The following AASDHPPT variants were observed in gnomAD, a reference collection of about 807,000 sequenced individuals.
AASDHPPT encodes L-aminoadipate-semialdehyde dehydrogenase-phosphopantetheinyl transferase.
AASDHPPT carries 23 observed loss-of-function variants against 36.4 expected under a neutral mutation model. That is an observed-to-expected ratio of 0.63 (90% CI 0.45 to 0.89). AASDHPPT has a LOEUF of 0.89. AASDHPPT is among the 40% of genes least tolerant of loss of function. The pLI is 0.00. For synonymous variants in AASDHPPT, 115 were observed against 128.0 expected, an observed-to-expected ratio of 0.90 and a Z score of 0.68; for missense variants, 377 against 378.2, an observed-to-expected ratio of 1.00 and a Z score of 0.03.
chr11:106,086,528 T>C (rs562869065), intron 2 of AASDHPPT, among the ~76,000 whole-genome samples: 5 of 152,304 alleles, frequency 3.3e-5, no homozygotes, highest in Non-Finnish European at 5.9e-5. Context: ...TTCAACCCAG[T>C]AGAGTCCATT....
At chr11:106,080,754 T>G (rs1401738146) in intron 2 of AASDHPPT, among the ~76,000 whole-genome samples, 1 of 152,238 alleles carries the variant, frequency 6.6e-6, no homozygotes. Flanking sequence ...TAAAACTATC[T>G]AATCTCCATA....
At position 106,091,434 on chromosome 11, in the gene AASDHPPT, G is replaced by T. The variant is rs774362758; in HGVS notation, c.650G>T (p.Arg217Leu). ...ATAGGCCAAGTTTATAAAGAAACAC[G>T]TTTATTCCTGGATGGAGAGGAAGAA... ...LDIGQVYKET[R>L]LFLDGEEEKE... The change falls in exon 4 of 6, where the codon CGT becomes CTT. Residue 217 changes from arginine (R) to leucine (L), a missense_variant. Physicochemically the swap from Arg to Leu is moderately radical, Grantham distance 102. Transcript: ENST00000278618. 2 of 1,599,016 alleles carry T rather than the reference G, an allele frequency of 1.3e-6. No individual in the cohort carries two copies. The highest frequency in any genetic ancestry group is 4.5e-5 in the East Asian group (2 of 44,386).
intron 2 of AASDHPPT, among the ~76,000 whole-genome samples, chr11:106,082,488 C>A (rs1030958818): frequency 3.9e-5 from 6 of 152,196 alleles, no homozygotes; most frequent in Admixed American, 2.6e-4. Context: ...AGATTGCCAA[C>A]TCTAAAGACA....
Position 106,077,891 on chromosome 11 carries a change from A to G in AASDHPPT, c.181A>G (p.Met61Val). 1 of 1,614,036 alleles carries G rather than the reference A, an allele frequency of 6.2e-7. No individual in the cohort carries two copies. The highest frequency in any genetic ancestry group is 1.1e-5 in the South Asian group (1 of 91,076). ...FVFARDAKAA[M>V]AGRLMIRKLV... ...CTTTGCCCGGGACGCTAAGGCAGCCATGGTACTACAGGTCTTTTTTGGTAT... is the reference window on the plus strand; with the variant it reads ...CTTTGCCCGGGACGCTAAGGCAGCCGTGGTACTACAGGTCTTTTTTGGTAT... Residue 61 changes from methionine (M) to valine (V), a missense_variant and splice_region_variant, in exon 1 of 6, where the codon ATG (methionine) becomes GTG (valine). By Grantham distance (21) the Met-to-Val change is conservative (BLOSUM62 1). Transcript: ENST00000278618.
chr11:106,092,827 C>G (rs1861268459), intron 4 of AASDHPPT: 1 of 152,024 alleles, frequency 6.6e-6, no homozygotes, highest in Non-Finnish European at 1.5e-5. Context: ...ATAAATGAGG[C>G]TTTGTGTTAG....
intron 2 of AASDHPPT, among the ~76,000 whole-genome samples, chr11:106,084,709 A>C (rs1861180090): frequency 6.6e-6 from 1 of 151,696 alleles, no homozygotes; most frequent in South Asian, 2.1e-4. Context: ...GGCTCACTGC[A>C]AGCTCTGCCT....
rs760165467 is a variant in AASDHPPT at position 106,094,672 on chromosome 11, C to T, written c.765+18C>T. 4.5e-6 allele frequency: 7 copies of T among 1,569,638 alleles called. No homozygotes were observed. Among genetic ancestry groups the T allele is most frequent in the African/African-American group, 1.4e-5 (1 of 72,962 alleles). The stretch of plus-strand genomic sequence containing the variant: ...ATCAGGATGTAAGATTTTAGGATTT[C>T]TCTTTTTTCTAAATAGCATGAATCA... On this transcript the variant is annotated intron_variant, in intron 5 of 5. Coordinates refer to ENST00000278618, the MANE Select transcript of AASDHPPT (RefSeq NM_015423.3).
intron 2 of AASDHPPT, among the ~76,000 whole-genome samples, chr11:106,084,489 G>C (rs1230602615): frequency 2.6e-5 from 4 of 152,018 alleles, no homozygotes; most frequent in African/African-American, 9.7e-5. Context: ...ATAGAGACAG[G>C]GTTTCTCCAT....
chr11:106,091,915 A>C (rs1861260255), intron 4 of AASDHPPT: 1 of 152,978 alleles, frequency 6.5e-6, no homozygotes, highest in Non-Finnish European at 1.5e-5. Flanking sequence ...CAGCCAAAAA[A>C]CCCCCCAAAA....
chr11:106,078,790 A>G (rs1591542290), intron 1 of AASDHPPT, among the ~76,000 whole-genome samples: 1 of 152,236 alleles, frequency 6.6e-6, no homozygotes, highest in African/African-American at 2.4e-5. Flanking sequence ...ATACTTTGTC[A>G]TCTTATATTC....
At chr11:106,080,908 G>A (rs1861131679) in intron 2 of AASDHPPT, among the ~76,000 whole-genome samples, 1 of 152,140 alleles carries the variant, frequency 6.6e-6, no homozygotes, top group Non-Finnish European at 1.5e-5. Context: ...GGGAAGCTTT[G>A]TGAGCCTTCA....
At chr11:106,090,376 CTT>C (rs1861242762) in intron 2 of AASDHPPT, among the ~76,000 whole-genome samples, 179 bp from the exon 3 acceptor site, 2 of 151,930 alleles carry the variant, frequency 1.3e-5, no homozygotes, top group African/African-American at 2.4e-5. Flanking sequence ...TGTGTTTACT[CTT>C]TTAATTTTCA....
intron 2 of AASDHPPT, among the ~76,000 whole-genome samples, chr11:106,081,817 A>G (rs1451784614): frequency 1.3e-5 from 2 of 148,670 alleles, no homozygotes; most frequent in East Asian, 2.1e-4. Context: ...ATGAGAACAC[A>G]TGGACACAGG....
chr11:106,080,176 C>T (rs1035656978), intron 2 of AASDHPPT, among the ~76,000 whole-genome samples: 1 of 152,114 alleles, frequency 6.6e-6, no homozygotes, highest in Non-Finnish European at 1.5e-5. Context: ...ATAGATTCTG[C>T]ATCCACAATC....
Position 106,079,456 on chromosome 11 carries a change from G to C in AASDHPPT, c.184-11G>C. ...CATCAGTACATACCAAATGTTTTATGTACTTAACAGGCTGGTCGTCTGATG... is the reference window on the plus strand; with the variant it reads ...CATCAGTACATACCAAATGTTTTATCTACTTAACAGGCTGGTCGTCTGATG... On this transcript the variant is annotated splice_polypyrimidine_tract_variant and intron_variant, in intron 1 of 5. Transcript: ENST00000278618. 1.3e-6 allele frequency: 2 copies of C among 1,585,020 alleles called. No homozygotes were observed. The highest frequency in any genetic ancestry group is 1.7e-6 in the Non-Finnish European group (2 of 1,162,214).
intron 5 of AASDHPPT, among the ~76,000 whole-genome samples, chr11:106,095,482 T>A (rs545750081): frequency 6.6e-6 from 1 of 152,210 alleles, no homozygotes; most frequent in African/African-American, 2.4e-5. Context: ...TACTTTCTTA[T>A]CCTATTACCT....
At chr11:106,094,812 CTAGGGAT>C (rs1861296681) in intron 5 of AASDHPPT, among the ~76,000 whole-genome samples, 158 bp downstream of exon 5, 1 of 152,030 alleles carries the variant, frequency 6.6e-6, no homozygotes, top group African/African-American at 2.4e-5. Flanking sequence ...ATTAAGATCA[CTAGGGAT>C]TTTGTAGAAA....
chr11:106,090,729 C>T (rs757931567), intron 3 of AASDHPPT, 51 bp downstream of exon 3: 2 of 1,547,076 alleles, frequency 1.3e-6, no homozygotes, highest in Admixed American at 2.3e-5. Flanking sequence ...ATTCCATTAT[C>T]TTCACTTAAA....
chr11:106,094,733 T>A (rs1324993224), intron 5 of AASDHPPT, 79 bp downstream of exon 5: 4 of 1,126,106 alleles, frequency 3.6e-6, no homozygotes, highest in Non-Finnish European at 5.1e-6. Flanking sequence ...GAAATAGTCA[T>A]TTGCCTTATA....
Sources: allele counts gnomAD v4.1 joint callset (sites outside exome capture counted in the v4.1 genomes callset), GRCh38; gene constraint gnomAD v4.1.1; transcripts MANE v1.5; gene names NCBI Gene and HGNC (gene_info 2026-07-23, HGNC 2026-07-21).